The following NACC2 variants were observed in gnomAD, a reference collection of about 807,000 sequenced individuals.
NACC2 encodes NACC family member 2, also known as nucleus accumbens-associated protein 2.
In NACC2, 8 loss-of-function variants were observed where a neutral mutation model predicts 25.1. That is an observed-to-expected ratio of 0.32 (90% CI 0.19 to 0.57). NACC2 has a LOEUF of 0.57. NACC2 is among the 20% of genes least tolerant of loss of function. The probability of loss-of-function intolerance (pLI) is 0.89; values close to 1 mark genes in which losing one functional copy is unlikely to be tolerated. For synonymous variants in NACC2, 435 were observed against 294.7 expected (o/e 1.48, Z -4.88); for missense variants, 644 against 650.2 (o/e 0.99, Z 0.10).
At chr9:136,077,065 A>G (rs1830270880) in intron 1 of NACC2, among the ~76,000 whole-genome samples, 1 of 152,132 alleles carries the variant, frequency 6.6e-6, no homozygotes, top group Non-Finnish European at 1.5e-5. Flanking sequence ...CTGTAGTCCC[A>G]GCCACTTGGG....
chr9:136,088,747 G>T (rs1293241239), intron 1 of NACC2, among the ~76,000 whole-genome samples: 9 of 152,112 alleles, frequency 5.9e-5, no homozygotes, highest in Admixed American at 5.9e-4. Flanking sequence ...ATGCCTCCTA[G>T]GGTCCCCTGG....
At position 136,095,194 on chromosome 9, in the gene NACC2, G is replaced by A. The variant is rs1214387938; in HGVS notation, c.-65C>T. 4.8e-5 allele frequency: 7 copies of A among 147,062 alleles called. No individual in the cohort carries two copies. The highest frequency in any genetic ancestry group is 1.5e-4 in the African/African-American group (6 of 40,886). The allele number at this position is 147,062 out of a possible 1,614,324, so 9.1% of individuals were successfully genotyped here. A position where few individuals can be genotyped will look rare whatever the true frequency, so the allele number is the denominator to read the frequency against. ...GCGCGCCAAGTTGGCGGTACCTGCGGGCGCCCGGCCCGGTCCGGCCTGGGC... is the reference window on the plus strand; with the variant it reads ...GCGCGCCAAGTTGGCGGTACCTGCGAGCGCCCGGCCCGGTCCGGCCTGGGC... On this transcript the variant is annotated 5_prime_UTR_variant, in exon 1 of 6. Transcript: ENST00000277554.
chr9:136,040,988 G>GCAAAGGAAGGAAA (rs1840618268), intron 2 of NACC2, among the ~76,000 whole-genome samples: 1 of 25,528 alleles, frequency 3.9e-5, no homozygotes. Context: ...AGAAAAGGAA[G>GCAAAGGAAGGAAA]GAAAGGAAGG....
intron 1 of NACC2, among the ~76,000 whole-genome samples, chr9:136,057,754 C>T (rs1245013502): frequency 6.6e-6 from 1 of 152,176 alleles, no homozygotes; most frequent in Non-Finnish European, 1.5e-5. Flanking sequence ...GGGAAGCACC[C>T]TCCTCACTCG....
At chr9:136,082,302 C>G (rs1007896714) in intron 1 of NACC2, among the ~76,000 whole-genome samples, 20 of 152,232 alleles carry the variant, frequency 1.3e-4, no homozygotes, top group Admixed American at 1.0e-3. Flanking sequence ...GCTTGGGAAG[C>G]AGAGGCCACC....
intron 1 of NACC2, among the ~76,000 whole-genome samples, chr9:136,062,567 T>A (rs1428816902): frequency 2.0e-5 from 3 of 152,198 alleles, no homozygotes; most frequent in Non-Finnish European, 4.4e-5. Flanking sequence ...ATCGATGAGT[T>A]AAATACATAA....
At chr9:136,067,653 G>C (rs1841102509) in intron 1 of NACC2, among the ~76,000 whole-genome samples, 1 of 152,198 alleles carries the variant, frequency 6.6e-6, no homozygotes, top group South Asian at 2.1e-4. Flanking sequence ...TGGCCAACAT[G>C]GTGAAACCCT....
chr9:136,041,001 A>AGAACGGAAGGAAG (rs1554738649), intron 2 of NACC2, among the ~76,000 whole-genome samples: 2 of 139,194 alleles, frequency 1.4e-5, no homozygotes, highest in East Asian at 4.2e-4. Flanking sequence ...AAGGAAGGAA[A>AGAACGGAAGGAAG]GAAAGGAAGG....
intron 1 of NACC2, among the ~76,000 whole-genome samples, chr9:136,051,049 G>A (rs1012892636): frequency 1.3e-5 from 2 of 152,222 alleles, no homozygotes; most frequent in East Asian, 1.9e-4. Flanking sequence ...GAGGGAGGGG[G>A]GTCTCTGGAG....
In NACC2 at chr9:136,011,864, G is replaced by T; in HGVS notation, c.1416C>A (p.Ser472=). ...GGTCGAGGGGCACGCTGGCGGCGGC[G>T]GAGCCCATGACCGTGCGGTACATCT... ...GVEMYRTVMG[S]AAASVPLDPE... The change falls in exon 6 of 6, where the codon TCC becomes TCA. Residue 472 remains serine (S), a synonymous_variant. Coordinates refer to ENST00000277554, the MANE Select transcript of NACC2 (RefSeq NM_144653.5). 6.4e-7 allele frequency: 1 copy of T among 1,564,348 alleles called. No homozygotes were observed.
At chr9:136,035,986 T>C (rs1840546402) in intron 2 of NACC2, among the ~76,000 whole-genome samples, 1 of 152,272 alleles carries the variant, frequency 6.6e-6, no homozygotes, top group African/African-American at 2.4e-5. Flanking sequence ...TTTCTTTAAA[T>C]AGGATATAAA....
Position 136,074,181 on chromosome 9 carries a change from T to C in NACC2, c.-60+21008A>G, listed in dbSNP as rs886401583. Among the ~76,000 whole-genome samples, 3 of 150,236 alleles carry C rather than the reference T, an allele frequency of 2.0e-5. No homozygotes were observed. In the East Asian group the frequency reaches 6.1e-4, roughly 30 times the overall value. ...ATTAGCCAGGCATGGCCAGGCGCGG[T>C]GGCTCATGCCTGTAATCCCAGCACT... is the stretch of plus-strand genomic sequence containing the variant. On this transcript the variant is annotated intron_variant, in intron 1 of 5. Transcript: ENST00000277554.
chr9:136,093,014 G>A (rs1830448549), intron 1 of NACC2, among the ~76,000 whole-genome samples: 1 of 152,228 alleles, frequency 6.6e-6, no homozygotes, highest in Admixed American at 6.5e-5. Context: ...CCCCACTGAC[G>A]GTGGCTGGGG....
intron 1 of NACC2, among the ~76,000 whole-genome samples, chr9:136,094,852 A>C (rs1489352523): frequency 6.6e-6 from 1 of 151,248 alleles, no homozygotes; most frequent in African/African-American, 2.4e-5. Context: ...AATCCAGGGA[A>C]ACCCAGCAGG....
intron 1 of NACC2, among the ~76,000 whole-genome samples, chr9:136,070,592 T>G (rs763435175): frequency 2.0e-5 from 3 of 151,244 alleles, no homozygotes; most frequent in Non-Finnish European, 2.9e-5. Context: ...AGAGGAAAAT[T>G]TATAGCATTA....
chr9:136,093,381 A>C (rs1717454), intron 1 of NACC2, among the ~76,000 whole-genome samples: 28,739 of 152,178 alleles, frequency 0.19, 5,460 homozygotes, highest in African/African-American at 0.49. Context: ...CAGCCCTGCG[A>C]ACCCTTCCAG....
intron 1 of NACC2, among the ~76,000 whole-genome samples, chr9:136,083,614 G>A (rs1317478449): frequency 1.3e-5 from 2 of 152,154 alleles, no homozygotes; most frequent in African/African-American, 4.8e-5. Context: ...AGGCCAGGCC[G>A]AGACTGGCAC....
intron 1 of NACC2, among the ~76,000 whole-genome samples, chr9:136,051,245 T>G (rs1411733658): frequency 6.6e-6 from 1 of 152,164 alleles, no homozygotes; most frequent in Admixed American, 6.5e-5. Context: ...GAGACCACCC[T>G]GGGCGCGCCC....
At chr9:136,024,228 AGG>A (rs1345816714) in intron 2 of NACC2, among the ~76,000 whole-genome samples, 12 of 18,826 alleles carry the variant, frequency 6.4e-4, no homozygotes, top group Middle Eastern at 0.031. Flanking sequence ...GTGAGGACAG[AGG>A]GTGTGTGTGA....
Sources: allele counts gnomAD v4.1 joint callset (sites outside exome capture counted in the v4.1 genomes callset), GRCh38; gene constraint gnomAD v4.1.1; transcripts MANE v1.5; gene names NCBI Gene and HGNC (gene_info 2026-07-23, HGNC 2026-07-21).